Variants in GALNT13 observed in about 807,000 individuals in gnomAD.
GALNT13 encodes the protein UDP-GalNAc:polypeptide N-acetylgalactosaminyltransferase 13.
Under a neutral mutation model 64.2 loss-of-function variants are expected in GALNT13, and 28 were observed. That is an observed-to-expected ratio of 0.44 (90% confidence interval 0.32 to 0.60). The LOEUF (loss-of-function observed/expected upper bound fraction) is 0.60, where lower values mean the gene tolerates loss of function less well. Among genes scored for constraint, GALNT13 ranks in the 20% least tolerant of loss-of-function variants. The pLI is 0.05. For missense variants in GALNT13, 577 were observed against 669.8 expected, an observed-to-expected ratio of 0.86 and a Z score of 1.53; for synonymous variants, 214 against 224.6, an observed-to-expected ratio of 0.95 and a Z score of 0.42.
At chr2:154,447,673 A>C (rs1465020903) in intron 12 of GALNT13, among the ~76,000 whole-genome samples, 1 of 151,966 alleles carries the variant, frequency 6.6e-6, no homozygotes, top group African/African-American at 2.4e-5. Flanking sequence ...GTCTTGGAAC[A>C]AGGCTAGAAA....
rs79218886 is a variant in GALNT13 at position 153,961,872 on chromosome 2, T to A, written c.142+17233T>A. ...AAGGGCCATGTTGTACAGAGACAAC[T>A]GGCTATAATAGAATTTTGTCCACTT... On this transcript the variant is annotated intron_variant, in intron 3 of 12. Coordinates refer to ENST00000392825, the MANE Select transcript of GALNT13 (RefSeq NM_052917.4). Among the ~76,000 whole-genome samples, 1,445 of 152,306 alleles carry A rather than the reference T, an allele frequency of 9.5e-3. 21 individuals carry two copies. Among genetic ancestry groups the A allele is most frequent in the African/African-American group, 0.033 (1,368 of 41,572 alleles).
the GALNT13 span, among the ~76,000 whole-genome samples, chr2:153,709,255 T>G: frequency 2.0e-5 from 3 of 151,720 alleles, no homozygotes; most frequent in Non-Finnish European, 4.4e-5. Flanking sequence ...TCTAAGGGAC[T>G]CAAACAGATG....
At chr2:153,371,186 C>T in the GALNT13 span, 1 of 152,168 alleles carries the variant, frequency 6.6e-6, no homozygotes, top group African/African-American at 2.4e-5. Flanking sequence ...TGGAAAGGGA[C>T]TTATCCTAAT....
intron 3 of GALNT13, among the ~76,000 whole-genome samples, chr2:154,102,172 T>G (rs1183672597): frequency 6.6e-6 from 1 of 152,178 alleles, no homozygotes. Flanking sequence ...TGGTCTAAAG[T>G]GCAGTTTAAA....
chr2:153,367,907 A>T, the GALNT13 span, among the ~76,000 whole-genome samples: 1 of 152,200 alleles, frequency 6.6e-6, no homozygotes, highest in Non-Finnish European at 1.5e-5. Flanking sequence ...GAAACAAAGA[A>T]CAGATGGAAT....
the GALNT13 span, among the ~76,000 whole-genome samples, chr2:153,086,863 CA>C: frequency 6.6e-6 from 1 of 151,970 alleles, no homozygotes; most frequent in African/African-American, 2.4e-5. Context: ...ATTAATTCAT[CA>C]GATTTAGGAG....
the GALNT13 span, among the ~76,000 whole-genome samples, chr2:153,188,545 A>G: frequency 6.6e-6 from 1 of 152,178 alleles, no homozygotes; most frequent in Non-Finnish European, 1.5e-5. Context: ...GAGTTCAGTA[A>G]CAACTACCCA....
chr2:153,360,654 G>A, the GALNT13 span, among the ~76,000 whole-genome samples: 1 of 152,044 alleles, frequency 6.6e-6, no homozygotes, highest in Non-Finnish European at 1.5e-5. Flanking sequence ...CTCCTCACCA[G>A]GTGGGGCCTC....
At chr2:153,513,869 T>C in the GALNT13 span, among the ~76,000 whole-genome samples, 2 of 152,184 alleles carry the variant, frequency 1.3e-5, no homozygotes, top group Admixed American at 6.5e-5. Context: ...GTTTGAAGCG[T>C]AGAGAACTTG....
chr2:153,555,190 CTT>C, the GALNT13 span, among the ~76,000 whole-genome samples: 34 of 105,186 alleles, frequency 3.2e-4, no homozygotes, highest in East Asian at 5.1e-4. Context: ...AGAAGCTTTA[CTT>C]TTTTTTTTTT....
intron 8 of GALNT13, chr2:154,287,297 A>G (rs1692325333): frequency 1.5e-6 from 1 of 687,248 alleles, no homozygotes; most frequent in South Asian, 1.5e-5. Flanking sequence ...CTCACTGGCC[A>G]TGGCGGGGAC....
chr2:153,143,854 C>T, the GALNT13 span, among the ~76,000 whole-genome samples: 1 of 152,014 alleles, frequency 6.6e-6, no homozygotes, highest in Non-Finnish European at 1.5e-5. Flanking sequence ...ACTTTGTTAT[C>T]AACTCTACTG....
chr2:154,403,566 C>G (rs1275610387), intron 10 of GALNT13, among the ~76,000 whole-genome samples: 1 of 152,188 alleles, frequency 6.6e-6, no homozygotes, highest in South Asian at 2.1e-4. Flanking sequence ...TTTCCTGACA[C>G]TCTGTCCTCC....
chr2:154,390,643 G>C (rs890692076), intron 9 of GALNT13, among the ~76,000 whole-genome samples: 5 of 151,906 alleles, frequency 3.3e-5, no homozygotes, highest in African/African-American at 1.2e-4. Flanking sequence ...TGGACATTTA[G>C]CTGGATTCCA....
chr2:153,675,399 A>G, the GALNT13 span, among the ~76,000 whole-genome samples: 10 of 152,222 alleles, frequency 6.6e-5, no homozygotes, highest in African/African-American at 2.4e-4. Context: ...TTGCAGGGAC[A>G]TGAATGAAGC....
At chr2:153,115,368 A>G in the GALNT13 span, among the ~76,000 whole-genome samples, 1 of 152,236 alleles carries the variant, frequency 6.6e-6, no homozygotes, top group Non-Finnish European at 1.5e-5. Context: ...AAACAATGCC[A>G]TTCAGAAGAA....
chr2:154,344,449 T>C (rs1049880213), intron 9 of GALNT13, among the ~76,000 whole-genome samples: 1 of 152,072 alleles, frequency 6.6e-6, no homozygotes, highest in African/African-American at 2.4e-5. Flanking sequence ...AATAAAACTG[T>C]GAAGATATTA....
At chr2:153,327,297 A>G in the GALNT13 span, among the ~76,000 whole-genome samples, 1 of 151,984 alleles carries the variant, frequency 6.6e-6, no homozygotes, top group Non-Finnish European at 1.5e-5. Flanking sequence ...GCTCTTCTCA[A>G]GGAGTATCTT....
At chr2:153,091,067 T>A in the GALNT13 span, among the ~76,000 whole-genome samples, 1 of 152,082 alleles carries the variant, frequency 6.6e-6, no homozygotes, top group Admixed American at 6.6e-5. Flanking sequence ...CCATTGGCGG[T>A]GTCTCCTGTG....
Sources: allele counts gnomAD v4.1 joint callset (sites outside exome capture counted in the v4.1 genomes callset), GRCh38; gene constraint gnomAD v4.1.1; transcripts MANE v1.5; gene names NCBI Gene and HGNC (gene_info 2026-07-23, HGNC 2026-07-21).